The following EPM2A variants were observed in gnomAD, a reference collection of about 807,000 sequenced individuals.
EPM2A encodes laforin.
A neutral mutation model predicts 26.5 loss-of-function variants in EPM2A; 21 were observed. The observed-to-expected ratio is 0.79, with a 90% CI of 0.56 to 1.14. The LOEUF (loss-of-function observed/expected upper bound fraction) is 1.14. Ranked by LOEUF, EPM2A falls within the 50% of genes most tolerant of loss-of-function variation. The pLI is 0.00. For synonymous variants in EPM2A, 217 were observed against 177.6 expected (o/e 1.22, Z -1.76); for missense variants, 458 against 440.8 (o/e 1.04, Z -0.35).
At chr6:145,435,738 A>AT (rs964488286) in intron 4 of EPM2A, among the ~76,000 whole-genome samples, 16 of 151,118 alleles carry the variant, frequency 1.1e-4, no homozygotes, top group Admixed American at 3.3e-4. Flanking sequence ...GAATCACACA[A>AT]TTTTTTTTTG....
intron 2 of EPM2A, among the ~76,000 whole-genome samples, chr6:145,538,706 T>C (rs962752310): frequency 6.6e-6 from 1 of 152,230 alleles, no homozygotes; most frequent in South Asian, 2.1e-4. Flanking sequence ...CTGGGATAAA[T>C]AAAATTGTTT....
At chr6:145,696,770 GGGGTAT>G (rs1781594603) in intron 1 of EPM2A, among the ~76,000 whole-genome samples, 1 of 134,090 alleles carries the variant, frequency 7.5e-6, no homozygotes, top group Admixed American at 8.1e-5. Context: ...GGCACAGGTA[GGGGTAT>G]GTGTGTGTGT....
intron 2 of EPM2A, among the ~76,000 whole-genome samples, chr6:145,512,240 A>T (rs915720325): frequency 3.3e-5 from 5 of 152,054 alleles, no homozygotes; most frequent in Non-Finnish European, 7.4e-5. Flanking sequence ...ACAGAATTAG[A>T]AAAAAAATCC....
chr6:145,511,240 C>T (rs1780051435), intron 2 of EPM2A, among the ~76,000 whole-genome samples: 1 of 152,120 alleles, frequency 6.6e-6, no homozygotes, highest in African/African-American at 2.4e-5. Context: ...GGGGATTCCT[C>T]CCTGACTCAT....
chr6:145,512,144 C>T (rs2114763926), intron 2 of EPM2A, among the ~76,000 whole-genome samples: 1 of 152,188 alleles, frequency 6.6e-6, no homozygotes, highest in South Asian at 2.1e-4. Context: ...CATCCCAACG[C>T]TCATGGATTG....
rs542386881 is a variant in EPM2A at position 145,673,034 on chromosome 6, T to C, written c.476+13088A>G. Among the ~76,000 whole-genome samples the C allele has an allele frequency of 3.9e-5, 6 of 152,034 alleles. No individual in the cohort carries two copies. The East Asian group carries it at 9.7e-4, about 25-fold the overall frequency. On this transcript the variant is annotated intron_variant, in intron 2 of 3. Coordinates refer to ENST00000367519, the MANE Select transcript of EPM2A (RefSeq NM_005670.4). The stretch of plus-strand genomic sequence containing the variant: ...CCAGGTACCAGAGGAAATCCTCTAA[T>C]GTGAGCTATTGAGACAAACCGAAGA...
At chr6:145,541,500 TA>T (rs963514596) in intron 2 of EPM2A, among the ~76,000 whole-genome samples, 8 of 152,038 alleles carry the variant, frequency 5.3e-5, no homozygotes, top group African/African-American at 1.9e-4. Flanking sequence ...TGTTCAACTT[TA>T]AAAAAATTAA....
intron 2 of EPM2A, among the ~76,000 whole-genome samples, chr6:145,539,529 C>A (rs1346874104): frequency 6.6e-6 from 1 of 152,124 alleles, no homozygotes; most frequent in Non-Finnish European, 1.5e-5. Flanking sequence ...GAGAACAGAG[C>A]TAGAGAAAGA....
At chr6:145,415,862 A>G (rs1778701087) in intron 4 of EPM2A, among the ~76,000 whole-genome samples, 1 of 149,250 alleles carries the variant, frequency 6.7e-6, no homozygotes, top group Non-Finnish European at 1.5e-5. Flanking sequence ...CAGGCTCCTA[A>G]GCCCATTTGC....
intron 2 of EPM2A, among the ~76,000 whole-genome samples, chr6:145,564,777 G>C (rs992470553): frequency 2.6e-5 from 4 of 151,680 alleles, no homozygotes; most frequent in Non-Finnish European, 4.4e-5. Flanking sequence ...ATATGGTGGG[G>C]GGGGGCAGGG....
chr6:145,705,526 G>A, intron 1 of EPM2A: 1 of 456,088 alleles, frequency 2.2e-6, no homozygotes, highest in South Asian at 1.5e-5. Context: ...CTGCACTCCA[G>A]CCTGGGCGAC....
intron 1 of EPM2A, among the ~76,000 whole-genome samples, chr6:145,724,774 G>A (rs1776113832): frequency 6.6e-6 from 1 of 151,940 alleles, no homozygotes; most frequent in Non-Finnish European, 1.5e-5. Flanking sequence ...AAATGGTGCT[G>A]GAACAAGTGG....
chr6:145,631,107 G>C (rs1309206257), intron 3 of EPM2A: 1 of 152,008 alleles, frequency 6.6e-6, no homozygotes, highest in Non-Finnish European at 1.5e-5. Context: ...TCCTCCTTGA[G>C]GATTAACACC....
At chr6:145,567,561 T>G (rs779824200) in intron 2 of EPM2A, among the ~76,000 whole-genome samples, 13 of 152,172 alleles carry the variant, frequency 8.5e-5, no homozygotes, top group Non-Finnish European at 1.5e-4. Flanking sequence ...ACACATGTGC[T>G]CCTAGCCGGT....
At chr6:145,501,832 A>C (rs1477979517) in exon 4 of EPM2A, 3 of 471,060 alleles carry the variant, frequency 6.4e-6, no homozygotes, top group Non-Finnish European at 1.3e-5. Context: ...GTAATCCAGA[A>C]TCCCAAGGCC....
chr6:145,540,589 C>G (rs1261600579), intron 2 of EPM2A, among the ~76,000 whole-genome samples: 2 of 152,148 alleles, frequency 1.3e-5, no homozygotes, highest in African/African-American at 4.8e-5. Flanking sequence ...CAGCTCTGAA[C>G]CAAAGCATGA....
intron 4 of EPM2A, among the ~76,000 whole-genome samples, chr6:145,391,655 T>C (rs1159990282): frequency 6.6e-6 from 1 of 152,130 alleles, no homozygotes; most frequent in Non-Finnish European, 1.5e-5. Flanking sequence ...CAGCTGGAAG[T>C]TCCCATACCC....
chr6:145,710,456 A>G (rs1421866197), intron 1 of EPM2A, among the ~76,000 whole-genome samples: 1 of 152,234 alleles, frequency 6.6e-6, no homozygotes, highest in Non-Finnish European at 1.5e-5. Flanking sequence ...GCGATCATTA[A>G]AAAGTCAGGA....
intron 1 of EPM2A, among the ~76,000 whole-genome samples, chr6:145,698,347 G>A (rs1781730842): frequency 6.6e-6 from 1 of 152,150 alleles, no homozygotes; most frequent in Non-Finnish European, 1.5e-5. Context: ...TAAGCTCAAG[G>A]CATGCAGAAA....
Sources: gnomAD v4.1 joint callset for allele counts (sites outside exome capture counted in the v4.1 genomes callset) on GRCh38, gnomAD v4.1.1 for gene constraint, MANE v1.5 for transcripts, NCBI Gene and HGNC (gene_info 2026-07-23, HGNC 2026-07-21) for gene names.